FAM107B: variants seen among roughly 807,000 people sequenced by gnomAD.
The protein encoded by FAM107B is family with sequence similarity 107 member B, also known as protein FAM107B.
In FAM107B, 21 loss-of-function variants were observed where a neutral mutation model predicts 31.5. That is an observed-to-expected ratio of 0.67 (90% CI 0.47 to 0.96). The LOEUF is 0.96. Among genes scored for constraint, FAM107B ranks in the 40% least tolerant of loss-of-function variants. FAM107B has a pLI of 0.00. For missense variants in FAM107B, 452 were observed against 377.1 expected (o/e 1.20, Z -1.64); for synonymous variants, 157 against 141.5 (o/e 1.11, Z -0.78).
intron 2 of FAM107B, among the ~76,000 whole-genome samples, chr10:14,635,767 G>T (rs1445670553): frequency 2.0e-5 from 3 of 152,062 alleles, no homozygotes; most frequent in Non-Finnish European, 4.4e-5. Context: ...AAGTAGCTTG[G>T]ATTACAGGCG....
intron 2 of FAM107B, among the ~76,000 whole-genome samples, chr10:14,544,483 T>C (rs1848523470): frequency 6.6e-6 from 1 of 152,140 alleles, no homozygotes; most frequent in Non-Finnish European, 1.5e-5. Flanking sequence ...CAAATACACG[T>C]GAAAAAAGTT....
chr10:14,592,002 C>T (rs569681153), intron 2 of FAM107B, among the ~76,000 whole-genome samples: 2 of 152,138 alleles, frequency 1.3e-5, no homozygotes, highest in African/African-American at 4.8e-5. Context: ...AAGGCATAAC[C>T]ATCAAATGCA....
At chr10:14,733,877 A>G (rs554282010) in intron 1 of FAM107B, among the ~76,000 whole-genome samples, 3 of 152,322 alleles carry the variant, frequency 2.0e-5, no homozygotes, top group East Asian at 1.9e-4. Flanking sequence ...TCATTTGGCC[A>G]TATTAACTGC....
chr10:14,616,173 G>A (rs1001526477), intron 2 of FAM107B, among the ~76,000 whole-genome samples: 5 of 152,092 alleles, frequency 3.3e-5, no homozygotes, highest in African/African-American at 1.2e-4. Flanking sequence ...TGACTGAACT[G>A]AGTATCTTTA....
At chr10:14,559,640 G>A (rs1437491958) in intron 2 of FAM107B, among the ~76,000 whole-genome samples, 2 of 151,594 alleles carry the variant, frequency 1.3e-5, no homozygotes, top group African/African-American at 4.8e-5. Flanking sequence ...CGCAATCTCG[G>A]CTCACTGCAC....
intron 2 of FAM107B, among the ~76,000 whole-genome samples, chr10:14,559,727 G>C (rs12266654): frequency 6.8e-6 from 1 of 146,746 alleles, no homozygotes. Context: ...GCCAGCCACC[G>C]CGCCTGGCTA....
chr10:14,564,899 C>G (rs1391373024), intron 2 of FAM107B, among the ~76,000 whole-genome samples: 1 of 152,166 alleles, frequency 6.6e-6, no homozygotes, highest in Non-Finnish European at 1.5e-5. Context: ...CACTTTCGTT[C>G]TAAAACAACA....
chr10:14,745,562 A>G (rs1475717054), intron 1 of FAM107B, among the ~76,000 whole-genome samples: 2 of 152,140 alleles, frequency 1.3e-5, no homozygotes, highest in African/African-American at 4.8e-5. Context: ...TTATTTACCC[A>G]GGAGTCATTC....
At chr10:14,685,137 CTTTTAT>C (rs1179825183) in intron 1 of FAM107B, among the ~76,000 whole-genome samples, 9 of 146,502 alleles carry the variant, frequency 6.1e-5, no homozygotes, top group East Asian at 4.1e-4. Flanking sequence ...CAATAACATC[CTTTTAT>C]TTTTTTTTTT....
intron 1 of FAM107B, among the ~76,000 whole-genome samples, chr10:14,668,091 G>A (rs527373922): frequency 6.6e-6 from 1 of 152,130 alleles, no homozygotes; most frequent in Non-Finnish European, 1.5e-5. Context: ...CACCAAGCTG[G>A]AGTGCAGTGG....
At chr10:14,633,448 T>C (rs963277766) in intron 2 of FAM107B, among the ~76,000 whole-genome samples, 1 of 152,204 alleles carries the variant, frequency 6.6e-6, no homozygotes, top group Non-Finnish European at 1.5e-5. Context: ...GCAGAAGGTG[T>C]TCCAAGATCT....
intron 2 of FAM107B, chr10:14,604,242 CGGCGCGCGCACAAA>C: frequency 3.1e-6 from 3 of 979,766 alleles, no homozygotes; most frequent in Non-Finnish European, 2.4e-6. Context: ...GAACCTACCT[CGGCGCGCGCACAAA>C]GGCGCGCGGC....
At chr10:14,551,772 T>A (rs1298027265) in intron 2 of FAM107B, among the ~76,000 whole-genome samples, 1 of 152,178 alleles carries the variant, frequency 6.6e-6, no homozygotes, top group Non-Finnish European at 1.5e-5. Flanking sequence ...AAGGAATATC[T>A]TTTTCTCCTT....
chr10:14,721,089 G>T (rs570994782), intron 1 of FAM107B, among the ~76,000 whole-genome samples: 1 of 152,100 alleles, frequency 6.6e-6, no homozygotes, highest in East Asian at 1.9e-4. Flanking sequence ...GTGAGAACAT[G>T]CGGTGTTTTG....
At chr10:14,602,224 C>T (rs1852422722) in intron 2 of FAM107B, among the ~76,000 whole-genome samples, 1 of 152,160 alleles carries the variant, frequency 6.6e-6, no homozygotes, top group Non-Finnish European at 1.5e-5. Flanking sequence ...CAGATTAAAG[C>T]GCCCCGAGTG....
intron 2 of FAM107B, among the ~76,000 whole-genome samples, chr10:14,601,638 G>A (rs913444622): frequency 6.6e-6 from 1 of 152,124 alleles, no homozygotes; most frequent in African/African-American, 2.4e-5. Context: ...TGAAAGAAGA[G>A]TGACAACTCC....
intron 1 of FAM107B, among the ~76,000 whole-genome samples, chr10:14,697,315 C>T (rs1036445361): frequency 5.9e-5 from 9 of 152,206 alleles, no homozygotes; most frequent in African/African-American, 1.9e-4. Flanking sequence ...AACCAGGTCC[C>T]CGAAATGGAG....
At chr10:14,564,648 CAAGTT>C (rs1344283060) in intron 2 of FAM107B, among the ~76,000 whole-genome samples, 1 of 152,174 alleles carries the variant, frequency 6.6e-6, no homozygotes, top group Non-Finnish European at 1.5e-5. Flanking sequence ...CCAAATTGCA[CAAGTT>C]AATTCTGTGA....
chr10:14,618,393 A>G (rs1211144012), intron 2 of FAM107B, among the ~76,000 whole-genome samples: 1 of 152,100 alleles, frequency 6.6e-6, no homozygotes, highest in Admixed American at 6.5e-5. Flanking sequence ...AACATATGTC[A>G]TATGTTTTCA....
Sources: gnomAD v4.1 joint callset for allele counts (sites outside exome capture counted in the v4.1 genomes callset) on GRCh38, gnomAD v4.1.1 for gene constraint, MANE v1.5 for transcripts, NCBI Gene and HGNC (gene_info 2026-07-23, HGNC 2026-07-21) for gene names.